The following FLNB variants were observed in gnomAD, a reference collection of about 807,000 sequenced individuals.
FLNB encodes filamin B.
Under a neutral mutation model 250.6 loss-of-function variants are expected in FLNB, and 111 were observed. The observed-to-expected ratio is 0.44, with a 90% CI of 0.38 to 0.52. The LOEUF (loss-of-function observed/expected upper bound fraction) is 0.52. FLNB is among the 20% of genes least tolerant of loss of function. The pLI is 0.00. For missense variants in FLNB, 2,869 were observed against 3,447.8 expected (o/e 0.83, Z 4.20); for synonymous variants, 1,302 against 1,372.1 (o/e 0.95, Z 1.13).
rs1447478622 is a variant in FLNB at position 58,171,662 on chromosome 3, T to A, written c.*900T>A. The stretch of plus-strand genomic sequence containing the variant: ...TTTAAAGTGATCTCAGAGGGGCCCA[T>A]GGATTAACGCCCTCATCCCAAGGTC... On this transcript the variant is annotated 3_prime_UTR_variant, in exon 46 of 46. Coordinates refer to ENST00000295956, the MANE Select transcript of FLNB (RefSeq NM_001457.4). This position sits in a 1 kb window ranked among gnomAD's most constrained non-coding sequence, Gnocchi z 5.5. The A allele has an allele frequency of 2.0e-5, 3 of 152,224 alleles. No homozygotes were observed. The highest frequency in any genetic ancestry group is 7.2e-5 in the African/African-American group (3 of 41,438). The allele number at this position is 152,224 out of a possible 1,614,324, so 9.4% of individuals were successfully genotyped here. A position where few individuals can be genotyped will look rare whatever the true frequency, so the allele number is the denominator to read the frequency against.
At position 58,109,665 on chromosome 3, in the gene FLNB, A is replaced by T. The variant is rs766881597; in HGVS notation, c.2289A>T (p.Thr763=). The T allele has an allele frequency of 6.2e-7, 1 of 1,613,776 alleles. No homozygotes were observed. The highest frequency in any genetic ancestry group is 8.5e-7 in the Non-Finnish European group (1 of 1,179,918). ...GTGGTCTGAAGGCAAATGAACCTAC[A>T]CACTTCACGGTGGACTGTACTGAGG... ...ERSGLKANEP[T]HFTVDCTEAG... Residue 763 remains threonine (T), a synonymous_variant, in exon 15 of 46, where the codon ACA becomes ACT. Transcript: ENST00000295956.
chr3:58,111,922 GC>G (rs779962826), intron 17 of FLNB, 41 bp downstream of exon 17: 66 of 1,520,706 alleles, frequency 4.3e-5, no homozygotes, highest in Non-Finnish European at 4.1e-5. Flanking sequence ...CCCTCTGCCA[GC>G]CGGTGGCACT....
intron 1 of FLNB, among the ~76,000 whole-genome samples, chr3:58,020,611 CAT>C (rs2097112496): frequency 6.6e-6 from 1 of 151,826 alleles, no homozygotes; most frequent in Non-Finnish European, 1.5e-5. Flanking sequence ...TTCCTTTTCT[CAT>C]AGAGATCTGA....
At chr3:58,011,619 A>G (rs2097099138) in intron 1 of FLNB, among the ~76,000 whole-genome samples, 1 of 152,156 alleles carries the variant, frequency 6.6e-6, no homozygotes, top group Admixed American at 6.5e-5. Context: ...CTTCAAGGCA[A>G]AGTTACCTCC....
intron 1 of FLNB, among the ~76,000 whole-genome samples, chr3:58,050,851 G>A (rs1432971932): frequency 6.6e-6 from 1 of 152,168 alleles, no homozygotes; most frequent in East Asian, 1.9e-4. Context: ...GGGCAAATAG[G>A]CCTCTCCCAG....
Position 58,134,780 on chromosome 3 carries a change from G to A in FLNB, c.4671+8G>A, listed in dbSNP as rs752584672. The A allele has an allele frequency of 2.7e-5, 44 of 1,612,972 alleles. No homozygotes were observed. Among genetic ancestry groups the A allele is most frequent in the Non-Finnish European group, 3.6e-5 (43 of 1,179,090 alleles). ...CTTGCTGTTCAAATAACGGTAACTTGGAGTTATTTTCTGAGCCAAACCTTA... is the reference window on the plus strand; with the variant it reads ...CTTGCTGTTCAAATAACGGTAACTTAGAGTTATTTTCTGAGCCAAACCTTA... On this transcript the variant is annotated splice_region_variant and intron_variant, in intron 27 of 45. Transcript: ENST00000295956.
At chr3:58,033,675 G>A (rs1476646500) in intron 1 of FLNB, among the ~76,000 whole-genome samples, 1 of 152,138 alleles carries the variant, frequency 6.6e-6, no homozygotes, top group Non-Finnish European at 1.5e-5. Flanking sequence ...ACAGGCATGA[G>A]CCACTACGCC....
At position 58,170,942 on chromosome 3, in the gene FLNB, A is replaced by G. The variant is rs2097381627; in HGVS notation, c.*180A>G. ...ACTGGACTCTTGAGGGACATATTGG[A>G]GAATCTTAAGAAATGCAAGCTTGTT... is the stretch of plus-strand genomic sequence containing the variant. On this transcript the variant is annotated 3_prime_UTR_variant, in exon 46 of 46. Coordinates refer to ENST00000295956, the MANE Select transcript of FLNB (RefSeq NM_001457.4). The G allele has an allele frequency of 1.6e-6, 1 of 615,456 alleles. No individual in the cohort carries two copies. Among genetic ancestry groups the G allele is most frequent in the Non-Finnish European group, 2.9e-6 (1 of 350,556 alleles). 38.1% of individuals were successfully genotyped at this position (615,456 alleles called of 1,614,324 possible). A position where few individuals can be genotyped will look rare whatever the true frequency, so the allele number is the denominator to read the frequency against.
chr3:58,157,154 C>T (rs966621110), intron 41 of FLNB, among the ~76,000 whole-genome samples: 3 of 152,218 alleles, frequency 2.0e-5, no homozygotes, highest in Non-Finnish European at 4.4e-5. Context: ...TTCAGCCAAA[C>T]TAAGAACCAT....
chr3:58,100,692 G>C (rs1313056788), intron 8 of FLNB, among the ~76,000 whole-genome samples: 1 of 147,444 alleles, frequency 6.8e-6, no homozygotes, highest in African/African-American at 2.5e-5. Flanking sequence ...CTGCTTCCCT[G>C]GTTCAAGTGA....
intron 33 of FLNB, 41 bp from the exon 34 acceptor site, chr3:58,146,779 C>T (rs1038645871): frequency 6.2e-7 from 1 of 1,609,940 alleles, no homozygotes; most frequent in Non-Finnish European, 8.5e-7. Flanking sequence ...AACAAGGCAA[C>T]TCTCTCCCTA....
At chr3:58,096,292 G>T in intron 6 of FLNB, 74 bp downstream of exon 6, 1 of 1,062,340 alleles carries the variant, frequency 9.4e-7, no homozygotes, top group Non-Finnish European at 1.5e-6. Flanking sequence ...AGGAAGAAGA[G>T]TGTTTTTCTT....
At chr3:58,062,198 G>A (rs1016524862) in intron 1 of FLNB, among the ~76,000 whole-genome samples, 1 of 152,206 alleles carries the variant, frequency 6.6e-6, no homozygotes, top group Non-Finnish European at 1.5e-5. Context: ...GAGCCAGTGA[G>A]GACAGTTTGG....
At chr3:58,022,300 A>C (rs1025719851) in intron 1 of FLNB, among the ~76,000 whole-genome samples, 1 of 152,234 alleles carries the variant, frequency 6.6e-6, no homozygotes, top group Non-Finnish European at 1.5e-5. Flanking sequence ...AGAAAATGCA[A>C]AACAGTGGTT....
intron 17 of FLNB, 63 bp from the exon 18 acceptor site, chr3:58,112,086 G>A (rs926767606): frequency 6.1e-5 from 92 of 1,509,354 alleles, no homozygotes; most frequent in Middle Eastern, 1.8e-4. Flanking sequence ...CCTGTCTGAC[G>A]GGTTCTCAAA....
intron 1 of FLNB, among the ~76,000 whole-genome samples, chr3:58,030,941 C>T (rs1257234131): frequency 6.6e-6 from 1 of 152,126 alleles, no homozygotes; most frequent in Non-Finnish European, 1.5e-5. Flanking sequence ...TACTGTGTAT[C>T]CACAAAAGTT....
intron 36 of FLNB, chr3:58,149,151 T>C (rs2097340756): frequency 2.4e-6 from 1 of 418,442 alleles, no homozygotes; most frequent in Admixed American, 3.5e-5. Context: ...CTCCCACCCT[T>C]GTTCTCAGCT....
intron 1 of FLNB, among the ~76,000 whole-genome samples, chr3:58,011,590 T>G (rs2106670671): frequency 6.6e-6 from 1 of 152,328 alleles, no homozygotes; most frequent in South Asian, 2.1e-4. Flanking sequence ...GAGGCTGTTG[T>G]GGGTAATGGT....
chr3:58,136,841 T>A (rs2097317015), intron 28 of FLNB, among the ~76,000 whole-genome samples: 1 of 136,834 alleles, frequency 7.3e-6, no homozygotes, highest in Non-Finnish European at 1.5e-5. Context: ...AGCCTCAGCC[T>A]CCTGAGTAGC....
Sources: allele counts gnomAD v4.1 joint callset (sites outside exome capture counted in the v4.1 genomes callset), GRCh38; gene constraint gnomAD v4.1.1; non-coding constraint Gnocchi (gnomAD v3.1); transcripts MANE v1.5; gene names NCBI Gene and HGNC (gene_info 2026-07-23, HGNC 2026-07-21).